EPHA5: variants seen among roughly 807,000 people sequenced by gnomAD.
EPHA5 encodes EPH receptor A5.
In EPHA5, 60 loss-of-function variants were observed where a neutral mutation model predicts 105.0. The ratio of observed to expected loss-of-function variants is 0.57; its 90% CI spans 0.46 to 0.71. The LOEUF is 0.71. Ranked by LOEUF, EPHA5 falls within the 30% of genes least tolerant of loss-of-function variation. EPHA5 has a pLI of 0.00. For synonymous variants in EPHA5, 513 were observed against 449.1 expected (o/e 1.14, Z -1.80); for missense variants, 1,218 against 1,274.7 (o/e 0.96, Z 0.68).
chr4:65,618,599 T>C (rs758707521), intron 2 of EPHA5, among the ~76,000 whole-genome samples: 2 of 152,210 alleles, frequency 1.3e-5, no homozygotes, highest in Admixed American at 6.5e-5. Flanking sequence ...ACTTTATTGC[T>C]TTATACAACC....
intron 11 of EPHA5, among the ~76,000 whole-genome samples, chr4:65,355,758 C>T (rs1416331557): frequency 6.6e-6 from 1 of 151,532 alleles, no homozygotes; most frequent in Non-Finnish European, 1.5e-5. Context: ...AGCGAAGAAA[C>T]TGTTACTCAC....
chr4:65,332,265 A>C, intron 15 of EPHA5, 137 bp from the exon 16 acceptor site: 1 of 610,614 alleles, frequency 1.6e-6, no homozygotes, highest in African/African-American at 1.9e-5. Context: ...GCAAATGCTA[A>C]TATGGAAGAA....
At chr4:65,573,756 A>G in intron 3 of EPHA5, 3 of 1,610,358 alleles carry the variant, frequency 1.9e-6, no homozygotes, top group South Asian at 2.2e-5. Context: ...TGGTGGTGAC[A>G]AGAACGGCGG....
chr4:65,641,335 C>T (rs1270953810), intron 2 of EPHA5, among the ~76,000 whole-genome samples: 2 of 152,040 alleles, frequency 1.3e-5, no homozygotes, highest in Non-Finnish European at 2.9e-5. Context: ...TATATTGCTC[C>T]AAGATGTTGT....
chr4:65,458,827 G>T (rs1037426316), intron 5 of EPHA5, among the ~76,000 whole-genome samples: 1 of 151,952 alleles, frequency 6.6e-6, no homozygotes, highest in Non-Finnish European at 1.5e-5. Flanking sequence ...TTAGTGAACC[G>T]TTCATTTACA....
intron 13 of EPHA5, among the ~76,000 whole-genome samples, chr4:65,348,814 T>TAC (rs1722532816): frequency 1.4e-5 from 1 of 70,166 alleles, no homozygotes; most frequent in Non-Finnish European, 2.6e-5. Context: ...TATATATATA[T>TAC]ATTTTTTTTT....
intron 5 of EPHA5, among the ~76,000 whole-genome samples, chr4:65,463,089 A>G (rs1173436692): frequency 1.3e-5 from 2 of 152,194 alleles, no homozygotes. Context: ...TGACATAAGT[A>G]TTGGTCTATA....
intron 8 of EPHA5, among the ~76,000 whole-genome samples, chr4:65,369,986 T>A (rs1177940580): frequency 1.3e-5 from 2 of 151,992 alleles, no homozygotes; most frequent in African/African-American, 4.8e-5. Context: ...AACAACAAAA[T>A]ACAGTTATCT....
At chr4:65,652,305 T>C (rs937894720) in intron 1 of EPHA5, among the ~76,000 whole-genome samples, 14 of 152,220 alleles carry the variant, frequency 9.2e-5, no homozygotes, top group Non-Finnish European at 2.1e-4. Context: ...CCAGTTCTGC[T>C]ACTGTGTGAC....
At chr4:65,505,441 CCA>C (rs1732914520) in intron 3 of EPHA5, among the ~76,000 whole-genome samples, 1 of 151,830 alleles carries the variant, frequency 6.6e-6, no homozygotes, top group Non-Finnish European at 1.5e-5. Context: ...TTTAATAAAT[CCA>C]GTTTCTTGTG....
chr4:65,425,844 T>A (rs1724386467), intron 5 of EPHA5, among the ~76,000 whole-genome samples: 1 of 152,106 alleles, frequency 6.6e-6, no homozygotes, highest in East Asian at 1.9e-4. Flanking sequence ...TTAGTATTTG[T>A]TGGTAATTTG....
rs2148774162 is a variant in EPHA5, at chr4:65,323,384, A to C, written c.*730T>G. On this transcript the variant is annotated 3_prime_UTR_variant, in exon 17 of 17. Transcript: ENST00000613740. Reference sequence around the variant, plus strand: ...ATGGTAACACACACATGTGCAAGCAAACACACACACAATTCCATCTTAAAT... The same window carrying C: ...ATGGTAACACACACATGTGCAAGCACACACACACACAATTCCATCTTAAAT... The C allele has an allele frequency of 4.3e-6, 1 of 230,236 alleles. No homozygotes were observed. Among genetic ancestry groups the C allele is most frequent in the Middle Eastern group, 1.3e-3 (1 of 772 alleles). The allele number at this position is 230,236 out of a possible 1,614,324, so 14.3% of individuals were successfully genotyped here.
At chr4:65,507,170 T>C (rs1733120929) in intron 3 of EPHA5, among the ~76,000 whole-genome samples, 1 of 152,132 alleles carries the variant, frequency 6.6e-6, no homozygotes, top group African/African-American at 2.4e-5. Context: ...AAAGGTCAGA[T>C]AGTTGTAGAT....
At chr4:65,380,758 G>T (rs1202994889) in intron 8 of EPHA5, among the ~76,000 whole-genome samples, 1 of 151,800 alleles carries the variant, frequency 6.6e-6, no homozygotes, top group African/African-American at 2.4e-5. Flanking sequence ...TTCAGGGCTA[G>T]AGAAAACAGA....
At chr4:65,448,852 G>A (rs1329021038) in intron 5 of EPHA5, among the ~76,000 whole-genome samples, 4 of 152,074 alleles carry the variant, frequency 2.6e-5, no homozygotes, top group African/African-American at 9.7e-5. Flanking sequence ...ATACTGAAAT[G>A]ACACTCACAT....
At chr4:65,574,113 A>G in intron 3 of EPHA5, 1 of 1,609,090 alleles carries the variant, frequency 6.2e-7, no homozygotes, top group Non-Finnish European at 8.5e-7. Context: ...TGCTTACTTC[A>G]AGAAGAAGCA....
intron 3 of EPHA5, among the ~76,000 whole-genome samples, chr4:65,541,701 C>A (rs6811105): frequency 0.53 from 80,156 of 151,678 alleles, 21,465 homozygotes; most frequent in Non-Finnish European, 0.55. Context: ...ATCAGACAGA[C>A]AATTAACAAG....
chr4:65,500,546 CA>C (rs11302474), intron 3 of EPHA5, among the ~76,000 whole-genome samples: 6,864 of 141,660 alleles, frequency 0.048, 253 homozygotes, highest in African/African-American at 0.1. Context: ...TCAAAATTAC[CA>C]AAAAAAAAAA....
intron 15 of EPHA5, among the ~76,000 whole-genome samples, chr4:65,332,822 C>G (rs1461347298): frequency 6.6e-6 from 1 of 151,890 alleles, no homozygotes; most frequent in African/African-American, 2.4e-5. Context: ...ATAATTTGTG[C>G]AAAGCCAATC....
Sources: allele counts gnomAD v4.1 joint callset (sites outside exome capture counted in the v4.1 genomes callset), GRCh38; gene constraint gnomAD v4.1.1; transcripts MANE v1.5; gene names NCBI Gene and HGNC (gene_info 2026-07-23, HGNC 2026-07-21).